Variants in GRIK3 observed in about 807,000 individuals in gnomAD.
The protein encoded by GRIK3 is glutamate receptor ionotropic, kainate 3.
A neutral mutation model predicts 102.5 loss-of-function variants in GRIK3; 29 were observed. That is an observed-to-expected ratio of 0.28 (90% CI 0.21 to 0.39). The LOEUF (loss-of-function observed/expected upper bound fraction) is 0.39, where lower values mean the gene tolerates loss of function less well. GRIK3 is among the 10% of genes least tolerant of loss of function. The probability of loss-of-function intolerance (pLI) is 1.00; values close to 1 mark genes in which losing one functional copy is unlikely to be tolerated. For synonymous variants in GRIK3, 511 were observed against 504.9 expected, an observed-to-expected ratio of 1.01 and a Z score of -0.16; for missense variants, 908 against 1,252.4, an observed-to-expected ratio of 0.73 and a Z score of 4.15.
chr1:36,981,779 T>G (rs1642251500), intron 1 of GRIK3, among the ~76,000 whole-genome samples: 1 of 152,156 alleles, frequency 6.6e-6, no homozygotes, highest in Non-Finnish European at 1.5e-5. Context: ...GCTGTTAATG[T>G]TTTTGAGCAC....
At chr1:36,935,559 AC>A (rs1352206078) in intron 1 of GRIK3, among the ~76,000 whole-genome samples, 2 of 130,722 alleles carry the variant, frequency 1.5e-5, no homozygotes, top group Non-Finnish European at 3.3e-5. Context: ...TCTTCTCCCC[AC>A]CCTGCCCCCG....
intron 4 of GRIK3, among the ~76,000 whole-genome samples, chr1:36,871,384 C>T (rs928047919): frequency 1.3e-4 from 20 of 152,332 alleles, no homozygotes; most frequent in African/African-American, 4.1e-4. Context: ...TCCTCCTGCA[C>T]CCCTTAAATC....
At chr1:36,951,803 G>C (rs3767089) in intron 1 of GRIK3, among the ~76,000 whole-genome samples, 6,050 of 151,960 alleles carry the variant, frequency 0.04, 177 homozygotes, top group South Asian at 0.14. Flanking sequence ...AGGGAGAGGA[G>C]AGGGCAGAAA....
At position 36,933,910 on chromosome 1, in the gene GRIK3, A is replaced by C. The variant is rs182608068; in HGVS notation, c.116-42814T>G. Among the ~76,000 whole-genome samples the C allele has an allele frequency of 3.2e-4, 48 of 152,140 alleles. No individual in the cohort carries two copies. In the East Asian group the frequency reaches 9.1e-3, roughly 29 times the overall value. On this transcript the variant is annotated intron_variant, in intron 1 of 15. Coordinates refer to ENST00000373091, the MANE Select transcript of GRIK3 (RefSeq NM_000831.4). ...GAGGAAGGAGAACTTCCACTTGAGC[A>C]TCTCGCCCCCCACCACCTCATCTTT...
At chr1:37,020,869 C>T (rs1642703650) in intron 1 of GRIK3, among the ~76,000 whole-genome samples, 1 of 152,176 alleles carries the variant, frequency 6.6e-6, no homozygotes, top group African/African-American at 2.4e-5. Flanking sequence ...GGCTGCTCTC[C>T]GTGGTGCTGA....
rs1299959084 is a variant in GRIK3, at chr1:36,887,771, A to ATAT, written c.292+3148_292+3149insATA. On this transcript the variant is annotated intron_variant, in intron 2 of 15. Coordinates refer to ENST00000373091, the MANE Select transcript of GRIK3 (RefSeq NM_000831.4). ...AATTCCATCTCAAAAAAAAAAAAAA[A>ATAT]ATATATATATATATATATAGTGAGA... 4.8e-4 allele frequency among the ~76,000 whole-genome samples: 51 copies of ATAT among 106,702 alleles called. No individual in the cohort carries two copies. The South Asian group carries it at 6.0e-3, about 12-fold the overall frequency. 70.0% of individuals were successfully genotyped at this position (106,702 alleles called of 152,430 possible). A position where few individuals can be genotyped will look rare whatever the true frequency, so the allele number is the denominator to read the frequency against.
chr1:36,916,997 C>A (rs1328920229), intron 1 of GRIK3, among the ~76,000 whole-genome samples: 1 of 152,176 alleles, frequency 6.6e-6, no homozygotes, highest in Non-Finnish European at 1.5e-5. Context: ...CAATGCTGAC[C>A]CATGAAAGCA....
chr1:36,850,446 A>G lies in GRIK3; in HGVS notation c.1213-22T>C. The G allele has an allele frequency of 2.7e-6, 4 of 1,465,176 alleles. No homozygotes were observed. The highest frequency in any genetic ancestry group is 3.8e-6 in the Non-Finnish European group (4 of 1,043,984). 90.8% of individuals were successfully genotyped at this position (1,465,176 alleles called of 1,614,324 possible). A position where few individuals can be genotyped will look rare whatever the true frequency, so the allele number is the denominator to read the frequency against. On this transcript the variant is annotated intron_variant, in intron 8 of 15. Transcript: ENST00000373091. This position sits in a 1 kb window ranked among gnomAD's most constrained non-coding sequence, Gnocchi z 4.0. ...CAACCTGGATGGACACAGACAGAAAACAGGGTGCCGAGTCCTTGGTCTACC... is the reference window on the plus strand; with the variant it reads ...CAACCTGGATGGACACAGACAGAAAGCAGGGTGCCGAGTCCTTGGTCTACC...
At chr1:37,028,612 AG>A (rs776736881) in intron 1 of GRIK3, among the ~76,000 whole-genome samples, 1 of 152,214 alleles carries the variant, frequency 6.6e-6, no homozygotes, top group Non-Finnish European at 1.5e-5. Flanking sequence ...TAGCCCAGCC[AG>A]TGAGACCTCA....
At chr1:36,995,841 CAG>C (rs1642414019) in intron 1 of GRIK3, among the ~76,000 whole-genome samples, 1 of 152,328 alleles carries the variant, frequency 6.6e-6, no homozygotes, top group South Asian at 2.1e-4. Flanking sequence ...ACCTCACAAA[CAG>C]AGCTGGCAAG....
intron 10 of GRIK3, among the ~76,000 whole-genome samples, chr1:36,828,026 C>G (rs1642773292): frequency 6.6e-6 from 1 of 151,788 alleles, no homozygotes; most frequent in Non-Finnish European, 1.5e-5. Context: ...TGCCGCCACC[C>G]CAGCTCCTGG....
chr1:36,930,238 G>C (rs770736437), intron 1 of GRIK3, among the ~76,000 whole-genome samples: 12 of 152,288 alleles, frequency 7.9e-5, no homozygotes, highest in African/African-American at 2.9e-4. Context: ...TTTGAGATTG[G>C]CCTTCTGGTT....
chr1:36,910,613 C>T (rs1369354878), intron 1 of GRIK3, among the ~76,000 whole-genome samples: 1 of 152,212 alleles, frequency 6.6e-6, no homozygotes, highest in Non-Finnish European at 1.5e-5. Context: ...CCCTGCTGGA[C>T]ACAGCATGTG....
chr1:36,849,860 G>C, intron 9 of GRIK3: 1 of 156,178 alleles, frequency 6.4e-6, no homozygotes, highest in South Asian at 2.0e-4. Context: ...GACGGCTCTC[G>C]GAAGGGCCAC....
At chr1:37,011,043 C>T (rs186829438) in intron 1 of GRIK3, among the ~76,000 whole-genome samples, 30 of 152,274 alleles carry the variant, frequency 2.0e-4, no homozygotes, top group African/African-American at 6.3e-4. Context: ...GCCCGGCCTA[C>T]CTGTACCACT....
intron 2 of GRIK3, among the ~76,000 whole-genome samples, chr1:36,883,956 G>A (rs1641010961): frequency 6.6e-6 from 1 of 152,220 alleles, no homozygotes; most frequent in African/African-American, 2.4e-5. Flanking sequence ...ACCAGAGATT[G>A]CCACTTAAGG....
intron 1 of GRIK3, among the ~76,000 whole-genome samples, chr1:36,912,975 A>G (rs1488581236): frequency 1.3e-5 from 2 of 152,216 alleles, no homozygotes; most frequent in Non-Finnish European, 2.9e-5. Context: ...CACAGCCAGG[A>G]GGACACTAGC....
At chr1:36,884,117 G>A (rs988212575) in intron 2 of GRIK3, among the ~76,000 whole-genome samples, 1 of 152,172 alleles carries the variant, frequency 6.6e-6, no homozygotes, top group African/African-American at 2.4e-5. Context: ...AAGGCCAGGT[G>A]CAGGAGAGCA....
intron 10 of GRIK3, among the ~76,000 whole-genome samples, chr1:36,838,166 A>G (rs1336538179): frequency 6.6e-6 from 1 of 152,206 alleles, no homozygotes; most frequent in African/African-American, 2.4e-5. Flanking sequence ...TTGGTGCCAT[A>G]TCTCATTAAA....
Sources: allele counts gnomAD v4.1 joint callset (sites outside exome capture counted in the v4.1 genomes callset), GRCh38; gene constraint gnomAD v4.1.1; non-coding constraint Gnocchi (gnomAD v3.1); transcripts MANE v1.5; gene names NCBI Gene and HGNC (gene_info 2026-07-23, HGNC 2026-07-21).